Variants in DLGAP1 observed in about 807,000 individuals in gnomAD.
DLGAP1 encodes the protein disks large-associated protein 1.
A neutral mutation model predicts 90.8 loss-of-function variants in DLGAP1; 11 were observed. The observed-to-expected ratio is 0.12, with a 90% CI of 0.08 to 0.20. The LOEUF (loss-of-function observed/expected upper bound fraction) is 0.20, where lower values mean the gene tolerates loss of function less well. Among genes scored for constraint, DLGAP1 ranks in the 10% least tolerant of loss-of-function variants. The pLI, the probability that DLGAP1 is intolerant of heterozygous loss-of-function variation, is 1.00. For synonymous variants in DLGAP1, 558 were observed against 540.7 expected (o/e 1.03, Z -0.44); for missense variants, 1,050 against 1,333.8 (o/e 0.79, Z 3.31).
Position 4,454,046 on chromosome 18 carries a change from T to C in DLGAP1, c.-267+960A>G, listed in dbSNP as rs2083904446. Among the ~76,000 whole-genome samples, 2 of 152,106 alleles carry C rather than the reference T, an allele frequency of 1.3e-5. No homozygotes were observed. The highest frequency in any genetic ancestry group is 4.8e-5 in the African/African-American group (2 of 41,430). On this transcript the variant is annotated intron_variant, in intron 1 of 12. Transcript: ENST00000315677. This position sits in a 1 kb window ranked among gnomAD's most constrained non-coding sequence, Gnocchi z 4.7. ...GGCACTCGGACACAGGCACTCAGTG[T>C]CTCCGGCGCCGGCAGCCGAGCCACG...
chr18:3,579,848 G>A (rs183307021), intron 8 of DLGAP1, among the ~76,000 whole-genome samples: 83 of 152,306 alleles, frequency 5.4e-4, no homozygotes, highest in African/African-American at 1.9e-3. Context: ...ATGATGCTGT[G>A]ATGTGTGTTA....
At chr18:3,789,840 A>G (rs2065643002) in intron 5 of DLGAP1, among the ~76,000 whole-genome samples, 1 of 152,228 alleles carries the variant, frequency 6.6e-6, no homozygotes, top group South Asian at 2.1e-4. Context: ...ATGAAACAAC[A>G]ATAAAAAGGA....
At chr18:4,033,446 A>C (rs2074832111) in intron 2 of DLGAP1, among the ~76,000 whole-genome samples, 1 of 152,154 alleles carries the variant, frequency 6.6e-6, no homozygotes, top group Non-Finnish European at 1.5e-5. Context: ...TGTGTTACCA[A>C]GGCTTGCTAT....
At chr18:4,385,227 A>G (rs2082206373) in intron 1 of DLGAP1, among the ~76,000 whole-genome samples, 1 of 152,126 alleles carries the variant, frequency 6.6e-6, no homozygotes, top group Non-Finnish European at 1.5e-5. Flanking sequence ...TTTCATATAC[A>G]TACTCTCCGA....
intron 1 of DLGAP1, among the ~76,000 whole-genome samples, chr18:4,389,096 G>A (rs1213684888): frequency 1.3e-5 from 2 of 152,130 alleles, no homozygotes; most frequent in Non-Finnish European, 2.9e-5. Context: ...TAACTAAAAA[G>A]TGGAAGCAAC....
chr18:3,752,962 G>T (rs1429619850), intron 5 of DLGAP1, among the ~76,000 whole-genome samples: 4 of 151,774 alleles, frequency 2.6e-5, no homozygotes, highest in Non-Finnish European at 5.9e-5. Flanking sequence ...TATTTTTTTG[G>T]CTATTATGAA....
chr18:3,935,254 G>A (rs1344983175), intron 3 of DLGAP1, among the ~76,000 whole-genome samples: 3 of 152,126 alleles, frequency 2.0e-5, no homozygotes, highest in East Asian at 3.9e-4. Flanking sequence ...ACTATACACC[G>A]CTCCTTAGGA....
intron 8 of DLGAP1, among the ~76,000 whole-genome samples, chr18:3,576,668 G>A (rs531305862): frequency 1.3e-5 from 2 of 149,214 alleles, no homozygotes. Flanking sequence ...AGGTTCAAAC[G>A]ATTCTCCTGC....
chr18:3,920,741 A>C (rs1258325925), intron 3 of DLGAP1, among the ~76,000 whole-genome samples: 7 of 148,764 alleles, frequency 4.7e-5, no homozygotes, highest in African/African-American at 2.5e-5. Flanking sequence ...GGTCTTGTTG[A>C]CCTGACAGCG....
intron 1 of DLGAP1, among the ~76,000 whole-genome samples, chr18:4,268,908 T>A (rs909761772): frequency 7.9e-5 from 12 of 152,108 alleles, no homozygotes; most frequent in African/African-American, 2.9e-4. Context: ...AGATCCACCA[T>A]ATAAATAATA....
intron 2 of DLGAP1, among the ~76,000 whole-genome samples, chr18:4,021,860 A>C (rs958199828): frequency 6.6e-6 from 1 of 152,098 alleles, no homozygotes; most frequent in Admixed American, 6.6e-5. Flanking sequence ...CAGCCTCCCA[A>C]AGTGCTGGGA....
chr18:4,196,400 T>C (rs2077498447), intron 1 of DLGAP1, among the ~76,000 whole-genome samples: 2 of 152,252 alleles, frequency 1.3e-5, no homozygotes, highest in Non-Finnish European at 2.9e-5. Flanking sequence ...AAAATGCTGA[T>C]TGCCATGTGG....
chr18:4,401,750 G>A (rs2082559286), intron 1 of DLGAP1, among the ~76,000 whole-genome samples: 1 of 151,994 alleles, frequency 6.6e-6, no homozygotes, highest in Admixed American at 6.6e-5. Flanking sequence ...TTTAAACTTG[G>A]TATTACAATA....
intron 1 of DLGAP1, among the ~76,000 whole-genome samples, chr18:4,363,073 T>C (rs544349202): frequency 5.3e-5 from 8 of 152,202 alleles, no homozygotes; most frequent in South Asian, 2.1e-4. Context: ...AGCAACAGAC[T>C]TGGCATACTG....
At chr18:3,926,415 T>TAC (rs1249353702) in intron 3 of DLGAP1, among the ~76,000 whole-genome samples, 4 of 122,806 alleles carry the variant, frequency 3.3e-5, no homozygotes, top group African/African-American at 1.2e-4. Flanking sequence ...TATATATATA[T>TAC]ATATATACAC....
rs543414475 is a variant in DLGAP1 at position 3,528,059 on chromosome 18, G to GT, written c.2479+6134dup. Among the ~76,000 whole-genome samples, 676 of 152,182 alleles carry GT rather than the reference G, an allele frequency of 4.4e-3. 3 individuals are homozygous for GT. Among genetic ancestry groups the GT allele is most frequent in the Non-Finnish European group, 7.4e-3 (501 of 68,000 alleles). On this transcript the variant is annotated intron_variant, in intron 10 of 12. Transcript: ENST00000315677. ...ATAAATTGCGTGATTAGAATCTTCC[G>GT]TTTTTTCCCTCTATCCTATTTATCT...
At chr18:4,273,705 G>A (rs1295744823) in intron 1 of DLGAP1, among the ~76,000 whole-genome samples, 6 of 152,242 alleles carry the variant, frequency 3.9e-5, no homozygotes, top group Non-Finnish European at 7.3e-5. Flanking sequence ...AGATAGCTGG[G>A]ATTACAGGCG....
At chr18:3,563,361 C>T (rs1192565470) in intron 9 of DLGAP1, among the ~76,000 whole-genome samples, 3 of 152,098 alleles carry the variant, frequency 2.0e-5, no homozygotes, top group Non-Finnish European at 4.4e-5. Flanking sequence ...AATATTGCTT[C>T]TGTTCCTTTC....
chr18:3,632,322 T>C (rs1429681731), intron 7 of DLGAP1, among the ~76,000 whole-genome samples: 3 of 151,056 alleles, frequency 2.0e-5, no homozygotes, highest in South Asian at 2.1e-4. Context: ...TTTTTTGAGA[T>C]GGAATTTTGC....
Sources: allele counts gnomAD v4.1 joint callset (sites outside exome capture counted in the v4.1 genomes callset), GRCh38; gene constraint gnomAD v4.1.1; non-coding constraint Gnocchi (gnomAD v3.1); transcripts MANE v1.5; gene names NCBI Gene and HGNC (gene_info 2026-07-23, HGNC 2026-07-21).